The following TRIM4 variants were observed in gnomAD, a reference collection of about 807,000 sequenced individuals.
TRIM4 encodes the protein tripartite motif containing 4.
Under a neutral mutation model 33.7 loss-of-function variants are expected in TRIM4, and 29 were observed. That is an observed-to-expected ratio of 0.86 (90% confidence interval 0.64 to 1.17). The LOEUF (loss-of-function observed/expected upper bound fraction) is 1.17, where lower values mean the gene tolerates loss of function less well. Ranked by LOEUF, TRIM4 falls within the 50% of genes most tolerant of loss-of-function variation. The pLI, the probability that TRIM4 is intolerant of heterozygous loss-of-function variation, is 0.00. For missense variants in TRIM4, 554 were observed against 593.7 expected (o/e 0.93, Z 0.69); for synonymous variants, 224 against 233.0 (o/e 0.96, Z 0.35).
intron 5 of TRIM4, chr7:99,901,853 T>C (rs973741048): frequency 3.5e-5 from 17 of 488,944 alleles, no homozygotes; most frequent in African/African-American, 3.1e-4. Context: ...AGCTCCTCCA[T>C]AGATGGCGAG....
At chr7:99,917,075 G>A (rs1819572083) in intron 1 of TRIM4, among the ~76,000 whole-genome samples, 1 of 152,166 alleles carries the variant, frequency 6.6e-6, no homozygotes, top group Non-Finnish European at 1.5e-5. Context: ...ACTCACCCTT[G>A]AAGAGCTAAC....
chr7:99,896,747 T>C (rs1463533310), intron 5 of TRIM4, among the ~76,000 whole-genome samples: 1 of 152,208 alleles, frequency 6.6e-6, no homozygotes, highest in African/African-American at 2.4e-5. Context: ...TGGGGCCCAA[T>C]AGCCACTATC....
At chr7:99,898,205 G>A (rs1161646724) in intron 5 of TRIM4, among the ~76,000 whole-genome samples, 1 of 152,220 alleles carries the variant, frequency 6.6e-6, no homozygotes, top group Non-Finnish European at 1.5e-5. Flanking sequence ...CACCTAGTAT[G>A]GGAGCAGGTT....
intron 1 of TRIM4, chr7:99,917,873 A>C: frequency 2.0e-6 from 2 of 985,224 alleles, no homozygotes; most frequent in Non-Finnish European, 2.4e-6. Flanking sequence ...TTCAAGCTAA[A>C]AGCTAAAAGG....
intron 5 of TRIM4, 115 bp downstream of exon 5, chr7:99,903,103 T>C: frequency 1.3e-6 from 1 of 763,676 alleles, no homozygotes; most frequent in Non-Finnish European, 2.1e-6. Flanking sequence ...ATTAACCACC[T>C]TTCCTGACAC....
rs945732631 is a variant in TRIM4, at chr7:99,903,573, T to C, written c.743+3A>G. On this transcript the variant is annotated splice_donor_region_variant and intron_variant, in intron 4 of 5. Transcript: ENST00000349062. ...GTCCCCATAAGAGAACAGGAGTGCATACCTGGTCAACACTTCTTTTGGATT... is the reference window on the plus strand; with the variant it reads ...GTCCCCATAAGAGAACAGGAGTGCACACCTGGTCAACACTTCTTTTGGATT... The C allele has an allele frequency of 6.2e-7, 1 of 1,614,080 alleles. No individual in the cohort carries two copies. The highest frequency in any genetic ancestry group is 1.7e-5 in the Admixed American group (1 of 59,994).
chr7:99,893,244 G>T (rs1379288110), intron 5 of TRIM4, among the ~76,000 whole-genome samples: 1 of 152,098 alleles, frequency 6.6e-6, no homozygotes, highest in African/African-American at 2.4e-5. Context: ...TCCAGCCTGG[G>T]TGACAGAGCA....
chr7:99,893,432 G>C (rs147925490), intron 5 of TRIM4, among the ~76,000 whole-genome samples: 1 of 152,154 alleles, frequency 6.6e-6, no homozygotes, highest in Non-Finnish European at 1.5e-5. Context: ...ATACACACAG[G>C]TGTCACATAG....
chr7:99,916,613 G>T, intron 1 of TRIM4: 1 of 733,150 alleles, frequency 1.4e-6, no homozygotes, highest in South Asian at 1.5e-5. Context: ...AAGTCTAATT[G>T]ATCACCAAGT....
intron 3 of TRIM4, among the ~76,000 whole-genome samples, chr7:99,904,452 G>A (rs1819250196): frequency 6.6e-6 from 1 of 152,092 alleles, no homozygotes; most frequent in African/African-American, 2.4e-5. Flanking sequence ...AATGAAATCT[G>A]GTATCCTGGG....
chr7:99,903,767 C>A (rs1263848148), intron 3 of TRIM4, among the ~76,000 whole-genome samples, 169 bp from the exon 4 acceptor site: 1 of 152,136 alleles, frequency 6.6e-6, no homozygotes, highest in Non-Finnish European at 1.5e-5. Context: ...TTCACGTGGC[C>A]CCTCTGCACT....
At chr7:99,909,160 G>GCA in intron 2 of TRIM4, among the ~76,000 whole-genome samples, 1 of 151,164 alleles carries the variant, frequency 6.6e-6, no homozygotes, top group Non-Finnish European at 1.5e-5. Flanking sequence ...GTGTGTGTGC[G>GCA]TGTGTGTGTG....
chr7:99,899,521 C>T (rs886379653), intron 5 of TRIM4, among the ~76,000 whole-genome samples: 20 of 152,276 alleles, frequency 1.3e-4, no homozygotes, highest in African/African-American at 4.3e-4. Flanking sequence ...CAAGTATACA[C>T]CTTTTTATCA....
chr7:99,911,348 G>T (rs1371014399), intron 1 of TRIM4, among the ~76,000 whole-genome samples: 5 of 152,180 alleles, frequency 3.3e-5, no homozygotes, highest in Non-Finnish European at 5.9e-5. Flanking sequence ...TTTCTCCTAT[G>T]CCAAAGGAAG....
chr7:99,916,678 T>C, intron 1 of TRIM4: 1 of 780,542 alleles, frequency 1.3e-6, no homozygotes, highest in Non-Finnish European at 2.4e-6. Flanking sequence ...ATCCCTGCCC[T>C]GAACTAATTC....
intron 4 of TRIM4, 48 bp from the exon 5 acceptor site, chr7:99,903,363 A>C (rs750566940): frequency 1.4e-6 from 2 of 1,462,516 alleles, no homozygotes; most frequent in Admixed American, 1.8e-5. Flanking sequence ...AGGGTAGCCA[A>C]GACCTCCACT....
intron 5 of TRIM4, among the ~76,000 whole-genome samples, chr7:99,899,076 G>A (rs945134755): frequency 2.0e-5 from 3 of 152,206 alleles, no homozygotes; most frequent in Admixed American, 1.3e-4. Context: ...CTGGACTGCA[G>A]TGTACGGCAG....
chr7:99,917,878 A>G (rs1347649496), intron 1 of TRIM4: 2 of 984,292 alleles, frequency 2.0e-6, no homozygotes, highest in Non-Finnish European at 2.4e-6. Context: ...GCTAAAAGCT[A>G]AAAGGATCTA....
At chr7:99,904,963 C>G (rs1819263727) in intron 3 of TRIM4, among the ~76,000 whole-genome samples, 1 of 151,204 alleles carries the variant, frequency 6.6e-6, no homozygotes, top group African/African-American at 2.4e-5. Context: ...ACCTGGGGGG[C>G]GAAGTTGCAG....
Sources: gnomAD v4.1 joint callset for allele counts (sites outside exome capture counted in the v4.1 genomes callset) on GRCh38, gnomAD v4.1.1 for gene constraint, MANE v1.5 for transcripts, NCBI Gene and HGNC (gene_info 2026-07-23, HGNC 2026-07-21) for gene names.